Variants in ADPGK observed in about 807,000 individuals in gnomAD.
ADPGK encodes ADP dependent glucokinase, also known as ADP-dependent glucokinase.
ADPGK carries 26 observed loss-of-function variants against 42.4 expected under a neutral mutation model. The observed-to-expected ratio is 0.61, with a 90% CI of 0.45 to 0.85. ADPGK has a LOEUF of 0.85. ADPGK is among the 40% of genes least tolerant of loss of function. The pLI is 0.00. For missense variants in ADPGK, 571 were observed against 627.0 expected (o/e 0.91, Z 0.95); for synonymous variants, 267 against 252.6 (o/e 1.06, Z -0.54).
intron 4 of ADPGK, chr15:72,760,116 C>T (rs79037985): frequency 1.5e-4 from 29 of 190,586 alleles, no homozygotes; most frequent in Non-Finnish European, 2.6e-4. Flanking sequence ...GTGTTTAACA[C>T]GTTTTCACTT....
intron 1 of ADPGK, among the ~76,000 whole-genome samples, chr15:72,780,592 T>C (rs2066445733): frequency 6.6e-6 from 1 of 152,196 alleles, no homozygotes. Flanking sequence ...ATCCCAGTAG[T>C]TGAAGACCAG....
In ADPGK at chr15:72,756,539, T is replaced by C. The variant is rs2066117367; in HGVS notation, c.644-92A>G. The C allele has an allele frequency of 4.3e-6, 6 of 1,390,846 alleles. No individual in the cohort carries two copies. The East Asian group carries it at 1.4e-4, about 32-fold the overall frequency. 86.2% of individuals were successfully genotyped at this position (1,390,846 alleles called of 1,614,324 possible). A position where few individuals can be genotyped will look rare whatever the true frequency, so the allele number is the denominator to read the frequency against. On this transcript the variant is annotated intron_variant, in intron 4 of 6. Coordinates refer to ENST00000456471, the MANE Select transcript of ADPGK (RefSeq NM_001365225.1). ...CACTTTCAGGCACCTCACAGGAGCC[T>C]TGGCTCCAAGCAGGCTGGTTTCTGG...
intron 4 of ADPGK, 95 bp downstream of exon 4, chr15:72,760,312 T>C: frequency 7.1e-7 from 1 of 1,409,230 alleles, no homozygotes; most frequent in Non-Finnish European, 9.4e-7. Flanking sequence ...ATCCTGCTAA[T>C]TTACAAAGAT....
At chr15:72,774,787 G>C (rs137947527) in intron 2 of ADPGK, 85 bp downstream of exon 2, 1 of 1,286,916 alleles carries the variant, frequency 7.8e-7, no homozygotes, top group Non-Finnish European at 1.1e-6. Context: ...AAACTGGAAT[G>C]AAAAGTTGCT....
At chr15:72,771,107 C>G (rs1193738694) in intron 3 of ADPGK, among the ~76,000 whole-genome samples, 1 of 152,334 alleles carries the variant, frequency 6.6e-6, no homozygotes, top group South Asian at 2.1e-4. Context: ...AATCATTATA[C>G]AGGAAAACAG....
chr15:72,758,364 T>TCA (rs755987132), intron 4 of ADPGK: 57 of 587,262 alleles, frequency 9.7e-5, no homozygotes, highest in Non-Finnish European at 1.4e-4. Context: ...GCGTAGTGAC[T>TCA]CACTGGATTC....
intron 4 of ADPGK, among the ~76,000 whole-genome samples, chr15:72,758,873 C>T (rs2066151466): frequency 6.6e-6 from 1 of 152,212 alleles, no homozygotes; most frequent in South Asian, 2.1e-4. Flanking sequence ...GCAGCAATAC[C>T]TCAGGGGCTC....
chr15:72,758,200 G>A (rs2066141074), intron 4 of ADPGK: 3 of 1,439,358 alleles, frequency 2.1e-6, no homozygotes, highest in Non-Finnish European at 2.9e-6. Context: ...CCCCGTTGGA[G>A]AGGCCATGCA....
chr15:72,758,256 G>A (rs2066142257), intron 4 of ADPGK: 2 of 816,794 alleles, frequency 2.4e-6, no homozygotes, highest in Non-Finnish European at 4.2e-6. Context: ...ATGGTAGTTA[G>A]CGCCCCTCTT....
Position 72,774,944 on chromosome 15 carries a change from A to G in ADPGK, c.387T>C (p.Ala129=), listed in dbSNP as rs1399056982. ...FIHFMGKGAA[A]ERFFSDKETF... is the part of the protein sequence containing the mutation. Reference sequence around the variant, plus strand: ...TTTCCTTATCACTGAAGAAGCGCTCAGCAGCTGCTCCCTTCCCCATGAAGT... The same window carrying G: ...TTTCCTTATCACTGAAGAAGCGCTCGGCAGCTGCTCCCTTCCCCATGAAGT... Residue 129 remains alanine, a synonymous_variant, in exon 2 of 7, where the codon GCT becomes GCC. Transcript: ENST00000456471. 5.6e-6 allele frequency: 9 copies of G among 1,614,106 alleles called. No homozygotes were observed. The highest frequency in any genetic ancestry group is 1.7e-5 in the Admixed American group (1 of 60,012).
intron 3 of ADPGK, among the ~76,000 whole-genome samples, chr15:72,766,381 T>G (rs1208208212): frequency 6.6e-6 from 1 of 152,140 alleles, no homozygotes; most frequent in African/African-American, 2.4e-5. Flanking sequence ...GTGGCAAACT[T>G]CATTGTTGTT....
chr15:72,783,106 G>C (rs2066487553), intron 1 of ADPGK: 1 of 621,748 alleles, frequency 1.6e-6, no homozygotes. Flanking sequence ...TGTTGTCATA[G>C]TGGGTAAGGT....
At position 72,774,930 on chromosome 15, in the gene ADPGK, C is replaced by T. The variant is rs1202000567; in HGVS notation, c.401G>A (p.Ser134Asn). ...GKGAAAERFF[S>N]DKETFHDIAQ... is the part of the protein sequence containing the mutation. ...AATGTCGTGAAAAGTTTCCTTATCA[C>T]TGAAGAAGCGCTCAGCAGCTGCTCC... The change falls in exon 2 of 7, where the codon AGT becomes AAT. Residue 134 changes from serine to asparagine, a missense_variant. By Grantham distance (46) the Ser-to-Asn change is conservative. This residue lies in a region of ADPGK where 434 missense variants were observed against 522.7 expected (regional missense o/e 0.83). Transcript: ENST00000456471. 15 of 1,614,238 alleles carry T rather than the reference C, an allele frequency of 9.3e-6. No homozygotes were observed. Among genetic ancestry groups the T allele is most frequent in the Non-Finnish European group, 1.3e-5 (15 of 1,180,042 alleles).
Position 72,752,113 on chromosome 15 carries a change from G to C in ADPGK, c.*228C>G. On this transcript the variant is annotated 3_prime_UTR_variant, in exon 7 of 7. Coordinates refer to ENST00000456471, the MANE Select transcript of ADPGK (RefSeq NM_001365225.1). ...TGCATAAACTGGGGATTTGGGAACT[G>C]AGTTTTTAGCTCTGTGACACACAAC... is the stretch of plus-strand genomic sequence containing the variant. The C allele has an allele frequency of 1.9e-6, 1 of 516,586 alleles. No individual in the cohort carries two copies. The highest frequency in any genetic ancestry group is 3.4e-6 in the Non-Finnish European group (1 of 293,960). 32.0% of individuals were successfully genotyped at this position (516,586 alleles called of 1,614,324 possible).
chr15:72,776,153 A>G (rs1003795628), intron 1 of ADPGK, among the ~76,000 whole-genome samples: 1 of 152,184 alleles, frequency 6.6e-6, no homozygotes, highest in Admixed American at 6.5e-5. Flanking sequence ...AACTTGTACT[A>G]AGGTTGTCTG....
At chr15:72,760,339 C>A in intron 4 of ADPGK, 68 bp downstream of exon 4, 1 of 1,477,796 alleles carries the variant, frequency 6.8e-7, no homozygotes, top group Non-Finnish European at 9.1e-7. Flanking sequence ...CCGGCACAGT[C>A]ACACCCCAAT....
intron 2 of ADPGK, 32 bp downstream of exon 2, chr15:72,774,840 C>T: frequency 6.4e-7 from 1 of 1,572,134 alleles, no homozygotes; most frequent in South Asian, 1.1e-5. Flanking sequence ...TCTTTTTCCA[C>T]CCTTAATTTA....
At chr15:72,775,271 G>T in intron 1 of ADPGK, 174 bp from the exon 2 acceptor site, 1 of 606,082 alleles carries the variant, frequency 1.6e-6, no homozygotes, top group Non-Finnish European at 2.9e-6. Context: ...TACTTTAACT[G>T]GATTTATGTA....
chr15:72,774,407 G>A (rs2151089719), intron 2 of ADPGK, among the ~76,000 whole-genome samples: 1 of 152,296 alleles, frequency 6.6e-6, no homozygotes, highest in East Asian at 1.9e-4. Flanking sequence ...CCATGGTTGG[G>A]TCTCCAGCCC....
Sources: allele counts gnomAD v4.1 joint callset (sites outside exome capture counted in the v4.1 genomes callset), GRCh38; gene constraint gnomAD v4.1.1; regional missense constraint gnomAD v4.1.1; transcripts MANE v1.5; gene names NCBI Gene and HGNC (gene_info 2026-07-23, HGNC 2026-07-21).